The following DNAJC7 variants were observed in gnomAD, a reference collection of about 807,000 sequenced individuals.
DNAJC7 encodes dnaJ homolog subfamily C member 7.
A neutral mutation model predicts 67.4 loss-of-function variants in DNAJC7; 18 were observed. That is an observed-to-expected ratio of 0.27 (90% confidence interval 0.18 to 0.40). The LOEUF (loss-of-function observed/expected upper bound fraction) is 0.40, where lower values mean the gene tolerates loss of function less well. Ranked by LOEUF, DNAJC7 falls within the 10% of genes least tolerant of loss-of-function variation. The probability of loss-of-function intolerance (pLI) is 1.00; values close to 1 mark genes in which losing one functional copy is unlikely to be tolerated. For synonymous variants in DNAJC7, 220 were observed against 207.8 expected (o/e 1.06, Z -0.50); for missense variants, 419 against 613.8 (o/e 0.68, Z 3.35).
At chr17:42,015,788 A>C (rs1377363684) in intron 1 of DNAJC7, 2 of 152,152 alleles carry the variant, frequency 1.3e-5, no homozygotes, top group Non-Finnish European at 2.9e-5. Flanking sequence ...CAGGAGGCGG[A>C]GCTTGCAGTG....
intron 2 of DNAJC7, among the ~76,000 whole-genome samples, chr17:41,998,000 C>G (rs1326776893): frequency 6.6e-6 from 1 of 152,162 alleles, no homozygotes; most frequent in Non-Finnish European, 1.5e-5. Flanking sequence ...GTGGCTGGGA[C>G]CACAGGCACA....
At chr17:41,999,207 C>T (rs1349822273) in intron 2 of DNAJC7, among the ~76,000 whole-genome samples, 1 of 151,728 alleles carries the variant, frequency 6.6e-6, no homozygotes, top group African/African-American at 2.4e-5. Flanking sequence ...CTCAGCCTCC[C>T]GAGTAGCTGG....
chr17:41,979,689 G>A (rs1390313520), intron 12 of DNAJC7, among the ~76,000 whole-genome samples: 9 of 142,234 alleles, frequency 6.3e-5, no homozygotes, highest in Non-Finnish European at 9.2e-5. Flanking sequence ...AAGGCCGGGC[G>A]CGGTGGCTCA....
rs781995338 is a variant in DNAJC7 at position 41,976,769 on chromosome 17, T to G, written c.1449A>C (p.Ala483=). 1.9e-6 allele frequency: 3 copies of G among 1,610,762 alleles called. No homozygotes were observed. In the African/African-American group the frequency reaches 4.0e-5, roughly 22 times the overall value. The change falls in exon 14 of 14, where the codon GCA becomes GCC. Residue 483 remains alanine (A), a splice_region_variant and synonymous_variant. Coordinates refer to ENST00000457167, the MANE Select transcript of DNAJC7 (RefSeq NM_003315.4). ...FGGPGGFSFE[A]SGPGNFFFQF... ...GAAAAAAGAAATTCCCTGGACCAGA[T>G]GCTGAAAGAGAAAAGAGGGGTTGGT...
At chr17:42,005,829 C>T (rs1490328277) in intron 1 of DNAJC7, among the ~76,000 whole-genome samples, 1 of 151,724 alleles carries the variant, frequency 6.6e-6, no homozygotes, top group Non-Finnish European at 1.5e-5. Flanking sequence ...CAATCCCCAC[C>T]TCCTGGGTTC....
chr17:41,986,598 T>G (rs2051388007), intron 9 of DNAJC7, among the ~76,000 whole-genome samples: 1 of 151,566 alleles, frequency 6.6e-6, no homozygotes, highest in African/African-American at 2.4e-5. Context: ...TATAGCATTT[T>G]GCGTCTGTTA....
chr17:41,982,959 TA>T (rs1317041576), intron 10 of DNAJC7, among the ~76,000 whole-genome samples: 349 of 130,482 alleles, frequency 2.7e-3, no homozygotes, highest in Admixed American at 2.7e-3. Flanking sequence ...GACTCCATCT[TA>T]AAAAAAAAAA....
At chr17:41,981,216 A>G (rs1258376197) in intron 12 of DNAJC7, among the ~76,000 whole-genome samples, 2 of 151,354 alleles carry the variant, frequency 1.3e-5, no homozygotes, top group Non-Finnish European at 2.9e-5. Context: ...TTTTTAATTG[A>G]GACAAAGTCT....
intron 2 of DNAJC7, among the ~76,000 whole-genome samples, chr17:41,999,446 G>C (rs2051748572): frequency 6.6e-6 from 1 of 152,026 alleles, no homozygotes; most frequent in South Asian, 2.1e-4. Context: ...AAGCCTGAAG[G>C]AGTTCATACA....
intron 1 of DNAJC7, among the ~76,000 whole-genome samples, chr17:42,001,667 C>T (rs4796754): frequency 0.74 from 111,966 of 152,076 alleles, 43,135 homozygotes; most frequent in East Asian, 0.86. Context: ...TTCGGGGTTG[C>T]CTGAAGTTGA....
At chr17:41,993,182 A>G (rs1274011733) in intron 5 of DNAJC7, among the ~76,000 whole-genome samples, 6 of 152,214 alleles carry the variant, frequency 3.9e-5, no homozygotes, top group East Asian at 3.8e-4. Flanking sequence ...TACTGAGGCC[A>G]GGCGTGGTGG....
intron 1 of DNAJC7, chr17:42,016,392 T>G (rs1484858399): frequency 6.6e-6 from 1 of 152,218 alleles, no homozygotes; most frequent in East Asian, 1.9e-4. Flanking sequence ...CTGAGGGCAC[T>G]GTAGATATCT....
intron 1 of DNAJC7, among the ~76,000 whole-genome samples, chr17:42,002,648 G>A (rs144515203): frequency 6.6e-6 from 1 of 152,268 alleles, no homozygotes; most frequent in East Asian, 1.9e-4. Context: ...ACTTGCCTGA[G>A]GTCAGGATGT....
chr17:41,995,688 A>G (rs1341555245), intron 4 of DNAJC7, among the ~76,000 whole-genome samples: 2 of 152,248 alleles, frequency 1.3e-5, no homozygotes, highest in Non-Finnish European at 2.9e-5. Flanking sequence ...GATTCTGCAC[A>G]ATGACAAAAT....
chr17:42,001,885 TAGA>T (rs1260936947), intron 1 of DNAJC7, among the ~76,000 whole-genome samples: 1 of 152,192 alleles, frequency 6.6e-6, no homozygotes, highest in Non-Finnish European at 1.5e-5. Flanking sequence ...AAAAGGCTGC[TAGA>T]AGGAGAAGGC....
chr17:42,008,336 A>C (rs1163295465), intron 1 of DNAJC7, among the ~76,000 whole-genome samples: 1 of 151,702 alleles, frequency 6.6e-6, no homozygotes, highest in Non-Finnish European at 1.5e-5. Context: ...AAAATCTACT[A>C]TTCTACAAGT....
At chr17:41,989,219 G>C (rs1378306047) in intron 7 of DNAJC7, among the ~76,000 whole-genome samples, 185 bp downstream of exon 7, 2 of 152,184 alleles carry the variant, frequency 1.3e-5, no homozygotes, top group African/African-American at 4.8e-5. Flanking sequence ...GACCCTATAT[G>C]ATCACATCTA....
chr17:42,006,444 G>A (rs535273392), intron 1 of DNAJC7, among the ~76,000 whole-genome samples: 149 of 151,812 alleles, frequency 9.8e-4, no homozygotes, highest in African/African-American at 3.1e-3. Flanking sequence ...CCAGGAGGTC[G>A]AGGCTGCAGC....
rs1379765065 is a variant in DNAJC7 at position 41,994,890 on chromosome 17, C to T, written c.460G>A (p.Glu154Lys). 6.2e-7 allele frequency: 1 copy of T among 1,613,822 alleles called. No homozygotes were observed. The highest frequency in any genetic ancestry group is 8.5e-7 in the Non-Finnish European group (1 of 1,179,890). The change falls in exon 5 of 14, where the codon GAG becomes AAG. Residue 154 changes from glutamate to lysine, a missense_variant. Transcript: ENST00000457167. ...EYEKIAETDF[E>K]KRDFRKVVFC... Reference sequence around the variant, plus strand: ...TGTACCTTCCGAAAATCTCGCTTCTCAAAATCTGTTTCTGCTATTTTCTCA... The same window carrying T: ...TGTACCTTCCGAAAATCTCGCTTCTTAAAATCTGTTTCTGCTATTTTCTCA...
Sources: allele counts gnomAD v4.1 joint callset (sites outside exome capture counted in the v4.1 genomes callset), GRCh38; gene constraint gnomAD v4.1.1; transcripts MANE v1.5; gene names NCBI Gene and HGNC (gene_info 2026-07-23, HGNC 2026-07-21).